LAMP1: variants seen among roughly 807,000 people sequenced by gnomAD.
The protein encoded by LAMP1 is lysosome associated membrane protein 1.
A neutral mutation model predicts 37.5 loss-of-function variants in LAMP1; 7 were observed. That is an observed-to-expected ratio of 0.19 (90% CI 0.11 to 0.35). The LOEUF (loss-of-function observed/expected upper bound fraction) is 0.35. Ranked by LOEUF, LAMP1 falls within the 10% of genes least tolerant of loss-of-function variation. LAMP1 has a pLI of 1.00. For synonymous variants in LAMP1, 236 were observed against 229.1 expected (o/e 1.03, Z -0.27); for missense variants, 537 against 552.8 (o/e 0.97, Z 0.29).
chr13:113,298,393 A>G (rs1164947874), intron 1 of LAMP1, among the ~76,000 whole-genome samples: 2 of 150,270 alleles, frequency 1.3e-5, no homozygotes, highest in Non-Finnish European at 3.0e-5. Flanking sequence ...CGCCAACACT[A>G]TTCTTTCACC....
chr13:113,301,117 A>C (rs1029398368), intron 1 of LAMP1, among the ~76,000 whole-genome samples: 6 of 152,166 alleles, frequency 3.9e-5, no homozygotes, highest in Admixed American at 1.3e-4. Flanking sequence ...TGCTGAGTAC[A>C]TATATGAAGA....
chr13:113,303,741 C>G (rs1195143486), intron 1 of LAMP1, among the ~76,000 whole-genome samples: 2 of 152,142 alleles, frequency 1.3e-5, no homozygotes, highest in African/African-American at 4.8e-5. Context: ...CCAAAGCTTA[C>G]TTTAAATTTA....
intron 1 of LAMP1, among the ~76,000 whole-genome samples, chr13:113,301,167 T>C (rs1165530092): frequency 6.6e-6 from 1 of 151,804 alleles, no homozygotes; most frequent in Non-Finnish European, 1.5e-5. Flanking sequence ...ACCAAACATA[T>C]GCACGGATCC....
intron 4 of LAMP1, among the ~76,000 whole-genome samples, chr13:113,313,409 T>A (rs959214662): frequency 3.3e-5 from 5 of 152,236 alleles, no homozygotes; most frequent in African/African-American, 1.2e-4. Context: ...TGTGTCCAGA[T>A]CCTGGACGTT....
In LAMP1 at chr13:113,320,672, G is replaced by A; in HGVS notation, c.876+202G>A. On this transcript the variant is annotated intron_variant, in intron 6 of 8. Coordinates refer to ENST00000332556, the MANE Select transcript of LAMP1 (RefSeq NM_005561.4). The surrounding 1 kb of genome is among the most constrained non-coding windows in gnomAD (Gnocchi z 4.4). Reference sequence around the variant, plus strand: ...TTCATAGATGCAGCAGATGATGTGGGCGGGGCTGCTGTGCCCACAGTTGGA... The same window carrying A: ...TTCATAGATGCAGCAGATGATGTGGACGGGGCTGCTGTGCCCACAGTTGGA... 1.7e-6 allele frequency: 1 copy of A among 597,968 alleles called. No homozygotes were observed. Among genetic ancestry groups the A allele is most frequent in the Non-Finnish European group, 2.9e-6 (1 of 345,598 alleles). The allele number at this position is 597,968 out of a possible 1,614,324, so 37.0% of individuals were successfully genotyped here.
chr13:113,316,873 CAAA>C (rs772711948), intron 4 of LAMP1, among the ~76,000 whole-genome samples: 3 of 99,082 alleles, frequency 3.0e-5, no homozygotes, highest in Non-Finnish European at 2.1e-5. Flanking sequence ...GACTCTGTCT[CAAA>C]AAAAAAAAAA....
intron 4 of LAMP1, 140 bp downstream of exon 4, chr13:113,311,007 A>G: frequency 1.6e-6 from 1 of 642,322 alleles, no homozygotes; most frequent in Non-Finnish European, 2.6e-6. Flanking sequence ...ACGTCTCTGC[A>G]GAACGTTCTC....
At chr13:113,303,507 C>G (rs1217476891) in intron 1 of LAMP1, among the ~76,000 whole-genome samples, 4 of 151,610 alleles carry the variant, frequency 2.6e-5, no homozygotes, top group African/African-American at 9.7e-5. Flanking sequence ...TTGTAACTTA[C>G]TTGAGGTTTT....
At chr13:113,301,637 AAAAAAAAAT>A (rs1206440056) in intron 1 of LAMP1, among the ~76,000 whole-genome samples, 8 of 26,146 alleles carry the variant, frequency 3.1e-4, no homozygotes, top group African/African-American at 8.7e-4. Flanking sequence ...TAAAAAAAAA[AAAAAAAAAT>A]ATATATATAT....
In LAMP1 at chr13:113,320,607, CTT is replaced by C. The variant is rs902551890; in HGVS notation, c.876+141_876+142del. Reference sequence around the variant, plus strand: ...TTTTCTGCCTTCCCTTTATCCTGGGCTTTTTAGTTCCTTGGTTCCCCTCCCCC... The same window carrying C: ...TTTTCTGCCTTCCCTTTATCCTGGGCTTTAGTTCCTTGGTTCCCCTCCCCC... On this transcript the variant is annotated intron_variant, in intron 6 of 8. Coordinates refer to ENST00000332556, the MANE Select transcript of LAMP1 (RefSeq NM_005561.4). The surrounding 1 kb of genome is among the most constrained non-coding windows in gnomAD (Gnocchi z 4.4). The C allele has an allele frequency of 3.6e-6, 3 of 844,286 alleles. No individual in the cohort carries two copies. In the African/African-American group the frequency reaches 5.1e-5, roughly 14 times the overall value. 52.3% of individuals were successfully genotyped at this position (844,286 alleles called of 1,614,324 possible). A position where few individuals can be genotyped will look rare whatever the true frequency, so the allele number is the denominator to read the frequency against.
intron 1 of LAMP1, among the ~76,000 whole-genome samples, chr13:113,299,568 A>ATTT (rs373040979): frequency 2.3e-5 from 3 of 128,756 alleles, no homozygotes; most frequent in Non-Finnish European, 4.9e-5. Context: ...TGGCCCAAGA[A>ATTT]TTTTTTTTTT....
chr13:113,319,289 C>G (rs1347240184), intron 4 of LAMP1, among the ~76,000 whole-genome samples, 180 bp from the exon 5 acceptor site: 1 of 152,360 alleles, frequency 6.6e-6, no homozygotes, highest in East Asian at 1.9e-4. Flanking sequence ...TCTGCAGGAC[C>G]CAGCTCTTTC....
chr13:113,309,790 T>C lies in LAMP1; in HGVS notation c.331T>C (p.Tyr111His). ...CAATTTCACGAGAAATGCAACACGT[T>C]ACAGCGTCCAGCTCATGAGTTTTGT... ...TLNFTRNATR[Y>H]SVQLMSFVYN... The change falls in exon 3 of 9, where the codon TAC becomes CAC. Residue 111 changes from tyrosine to histidine, a missense_variant. Tyr to His is a moderately conservative substitution (Grantham distance 83, BLOSUM62 2). Transcript: ENST00000332556. 1 of 1,614,170 alleles carries C rather than the reference T, an allele frequency of 6.2e-7. No homozygotes were observed. The highest frequency in any genetic ancestry group is 8.5e-7 in the Non-Finnish European group (1 of 1,180,042).
At chr13:113,307,796 TA>T (rs56233302) in intron 2 of LAMP1, among the ~76,000 whole-genome samples, 4 of 141,676 alleles carry the variant, frequency 2.8e-5, no homozygotes, top group African/African-American at 2.6e-5. Flanking sequence ...ATCTCTTTTT[TA>T]AAAAAAAAAA....
Position 113,297,623 on chromosome 13 carries a change from G to C in LAMP1, c.61+128G>C, listed in dbSNP as rs1008622709. The C allele has an allele frequency of 3.4e-6, 3 of 879,406 alleles. No homozygotes were observed. The highest frequency in any genetic ancestry group is 4.9e-5 in the Admixed American group (1 of 20,586). The allele number at this position is 879,406 out of a possible 1,614,324, so 54.5% of individuals were successfully genotyped here. ...CCCCGCACCCACTGCTCCTGGTCCC[G>C]GCCGGCTCTGCCCGCGGGCGGGTGT... On this transcript the variant is annotated intron_variant, in intron 1 of 8. Coordinates refer to ENST00000332556, the MANE Select transcript of LAMP1 (RefSeq NM_005561.4). The surrounding 1 kb of genome is among the most constrained non-coding windows in gnomAD (Gnocchi z 4.4).
Position 113,322,993 on chromosome 13 carries a change from C to T in LAMP1, c.*572C>T, listed in dbSNP as rs1378466385. Reference sequence around the variant, plus strand: ...ACAAAGGGAAAGCCTCTGGCCGTCACACGTAGGACGCATGAAGGTCACTCG... The same window carrying T: ...ACAAAGGGAAAGCCTCTGGCCGTCATACGTAGGACGCATGAAGGTCACTCG... On this transcript the variant is annotated 3_prime_UTR_variant, in exon 9 of 9. Coordinates refer to ENST00000332556, the MANE Select transcript of LAMP1 (RefSeq NM_005561.4). 1 of 153,796 alleles carries T rather than the reference C, an allele frequency of 6.5e-6. No homozygotes were observed. The highest frequency in any genetic ancestry group is 1.9e-4 in the East Asian group (1 of 5,214). 9.5% of individuals were successfully genotyped at this position (153,796 alleles called of 1,614,324 possible).
At chr13:113,315,297 A>T (rs2042656464) in intron 4 of LAMP1, among the ~76,000 whole-genome samples, 1 of 148,606 alleles carries the variant, frequency 6.7e-6, no homozygotes, top group Non-Finnish European at 1.5e-5. Context: ...CAGCGTGGAG[A>T]TGCCGGTGTG....
rs2042550949 is a variant in LAMP1, at chr13:113,297,826, C to A, written c.61+331C>A. On this transcript the variant is annotated intron_variant, in intron 1 of 8. Coordinates refer to ENST00000332556, the MANE Select transcript of LAMP1 (RefSeq NM_005561.4). This position sits in a 1 kb window ranked among gnomAD's most constrained non-coding sequence, Gnocchi z 4.4. ...GCTCGGCGGTCTGGTGCTTTCAGGT[C>A]GTTAAGTTTCCTGGCAAGTTGAGGC... 6.6e-6 allele frequency among the ~76,000 whole-genome samples: 1 copy of A among 152,156 alleles called. No homozygotes were observed. The highest frequency in any genetic ancestry group is 1.5e-5 in the Non-Finnish European group (1 of 68,042).
intron 4 of LAMP1, among the ~76,000 whole-genome samples, chr13:113,311,731 G>A (rs1301470205): frequency 6.6e-6 from 1 of 152,210 alleles, no homozygotes; most frequent in African/African-American, 2.4e-5. Context: ...CTTTGCATGT[G>A]GCATGAGATT....
Sources: allele counts gnomAD v4.1 joint callset (sites outside exome capture counted in the v4.1 genomes callset), GRCh38; gene constraint gnomAD v4.1.1; non-coding constraint Gnocchi (gnomAD v3.1); transcripts MANE v1.5; gene names NCBI Gene and HGNC (gene_info 2026-07-23, HGNC 2026-07-21).